Variants in SLC38A1 observed in about 807,000 individuals in gnomAD.
SLC38A1 encodes solute carrier family 38 member 1, also known as sodium-coupled neutral amino acid symporter 1.
In SLC38A1, 18 loss-of-function variants were observed where a neutral mutation model predicts 60.3. The observed-to-expected ratio is 0.30, with a 90% CI of 0.21 to 0.44. The LOEUF (loss-of-function observed/expected upper bound fraction) is 0.44. Ranked by LOEUF, SLC38A1 falls within the 20% of genes least tolerant of loss-of-function variation. The pLI is 1.00. For synonymous variants in SLC38A1, 196 were observed against 212.1 expected (o/e 0.92, Z 0.66); for missense variants, 448 against 587.2 (o/e 0.76, Z 2.45).
rs182701960 is a variant in SLC38A1, at chr12:46,203,160, C to T, written c.823-71G>A. 6,041 of 1,256,148 alleles carry T rather than the reference C, an allele frequency of 4.8e-3. 26 individuals carry two copies. The highest frequency in any genetic ancestry group is 6.3e-3 in the Non-Finnish European group (5,436 of 869,288). 77.8% of individuals were successfully genotyped at this position (1,256,148 alleles called of 1,614,324 possible). On this transcript the variant is annotated intron_variant, in intron 11 of 16. Transcript: ENST00000398637. ...TAAAAAGGACATAGCTCCAGTATTTCTGAGCTGTCTTTTTATCTGACAGCT... is the reference window on the plus strand; with the variant it reads ...TAAAAAGGACATAGCTCCAGTATTTTTGAGCTGTCTTTTTATCTGACAGCT...
At chr12:46,267,945 T>C (rs1323744076) in intron 1 of SLC38A1, among the ~76,000 whole-genome samples, 3 of 152,286 alleles carry the variant, frequency 2.0e-5, no homozygotes, top group African/African-American at 4.8e-5. Flanking sequence ...CGCGCCCTCC[T>C]ACTTCCCCGC....
intron 1 of SLC38A1, among the ~76,000 whole-genome samples, chr12:46,259,451 C>A (rs545833759): frequency 2.6e-5 from 4 of 152,056 alleles, no homozygotes; most frequent in Non-Finnish European, 5.9e-5. Flanking sequence ...TTTTATATAC[C>A]TTTGAGTAAT....
rs1938981613 is a variant in SLC38A1, at chr12:46,187,636, G to A, written c.*1334C>T. The A allele has an allele frequency of 6.6e-6, 1 of 152,196 alleles. No individual in the cohort carries two copies. Among genetic ancestry groups the A allele is most frequent in the Non-Finnish European group, 1.5e-5 (1 of 68,074 alleles). 9.4% of individuals were successfully genotyped at this position (152,196 alleles called of 1,614,324 possible). ...ACTCTGTCCTCCTGCATGGACAGTT[G>A]AGACGGGCAGTAATGGCACAGTCCT... On this transcript the variant is annotated 3_prime_UTR_variant, in exon 17 of 17. Coordinates refer to ENST00000398637, the MANE Select transcript of SLC38A1 (RefSeq NM_030674.4).
At chr12:46,237,258 A>G (rs368621184) in intron 3 of SLC38A1, among the ~76,000 whole-genome samples, 2 of 152,226 alleles carry the variant, frequency 1.3e-5, no homozygotes, top group East Asian at 1.9e-4. Flanking sequence ...AAATTTGAGA[A>G]AGCCGCAGGA....
intron 5 of SLC38A1, among the ~76,000 whole-genome samples, chr12:46,221,690 C>T (rs767185959): frequency 6.6e-6 from 1 of 152,114 alleles, no homozygotes; most frequent in African/African-American, 2.4e-5. Flanking sequence ...ATCGTGTTAG[C>T]GGGAGGAAGA....
chr12:46,198,809 T>C, intron 13 of SLC38A1, 66 bp from the exon 14 acceptor site: 2 of 949,342 alleles, frequency 2.1e-6, no homozygotes, highest in Middle Eastern at 2.3e-4. Context: ...TGACAGTTTT[T>C]CTGAAAAACA....
At chr12:46,208,979 C>T in intron 6 of SLC38A1, 75 bp downstream of exon 6, 7 of 1,023,300 alleles carry the variant, frequency 6.8e-6, no homozygotes, top group Non-Finnish European at 1.1e-5. Context: ...ACAGAGAGAA[C>T]ATCATTGTTC....
chr12:46,261,831 G>A (rs1942205758), intron 1 of SLC38A1, among the ~76,000 whole-genome samples: 1 of 152,172 alleles, frequency 6.6e-6, no homozygotes, highest in African/African-American at 2.4e-5. Context: ...TTCTCAACTG[G>A]GGACAATTGT....
chr12:46,256,613 GCACACACACACA>G (rs566800141), intron 1 of SLC38A1, among the ~76,000 whole-genome samples: 3 of 107,458 alleles, frequency 2.8e-5, no homozygotes, highest in African/African-American at 6.9e-5. Flanking sequence ...GCGCGCGCGC[GCACACACACACA>G]CACACACACA....
chr12:46,219,313 C>T (rs567554636), intron 5 of SLC38A1, among the ~76,000 whole-genome samples: 17 of 152,300 alleles, frequency 1.1e-4, no homozygotes, highest in African/African-American at 4.1e-4. Context: ...TTTGCAAAGG[C>T]AGTTTCAGTT....
chr12:46,203,133 C>A, intron 11 of SLC38A1, 44 bp from the exon 12 acceptor site: 1 of 1,498,378 alleles, frequency 6.7e-7, no homozygotes, highest in Non-Finnish European at 9.3e-7. Flanking sequence ...ACACTTTTAC[C>A]ATAAAAAGGA....
At chr12:46,221,883 T>C (rs1940673522) in intron 5 of SLC38A1, among the ~76,000 whole-genome samples, 1 of 152,074 alleles carries the variant, frequency 6.6e-6, no homozygotes, top group Non-Finnish European at 1.5e-5. Flanking sequence ...ACAAGCAGTT[T>C]TGGAGGAGAT....
At chr12:46,263,806 C>A (rs1393434810) in intron 1 of SLC38A1, among the ~76,000 whole-genome samples, 1 of 152,168 alleles carries the variant, frequency 6.6e-6, no homozygotes, top group African/African-American at 2.4e-5. Context: ...TAAACTGTAA[C>A]CTGAGGCTGT....
At chr12:46,238,904 T>C (rs1336905486) in intron 3 of SLC38A1, among the ~76,000 whole-genome samples, 1 of 151,986 alleles carries the variant, frequency 6.6e-6, no homozygotes, top group Non-Finnish European at 1.5e-5. Context: ...GGCTCAACCA[T>C]TATTATTATT....
At chr12:46,213,269 T>C (rs747090366) in intron 5 of SLC38A1, among the ~76,000 whole-genome samples, 2 of 152,204 alleles carry the variant, frequency 1.3e-5, no homozygotes, top group Non-Finnish European at 2.9e-5. Context: ...TTCATTCTTT[T>C]TGAGCTTCTG....
intron 1 of SLC38A1, among the ~76,000 whole-genome samples, chr12:46,251,305 A>G (rs1225183648): frequency 6.6e-6 from 1 of 152,220 alleles, no homozygotes; most frequent in Non-Finnish European, 1.5e-5. Flanking sequence ...TAGAAAGCTG[A>G]AACTGGATCC....
chr12:46,209,003 T>C (rs1295332846), intron 6 of SLC38A1, 51 bp downstream of exon 6: 2 of 1,271,566 alleles, frequency 1.6e-6, no homozygotes, highest in East Asian at 4.7e-5. Context: ...AATGCTACCA[T>C]AAAAATAATT....
intron 1 of SLC38A1, among the ~76,000 whole-genome samples, chr12:46,252,452 G>C (rs4768693): frequency 2.0e-5 from 3 of 151,742 alleles, no homozygotes; most frequent in Non-Finnish European, 2.9e-5. Flanking sequence ...AAACCTGCAC[G>C]TTGTGCACAT....
At chr12:46,222,568 A>G (rs889035081) in intron 5 of SLC38A1, among the ~76,000 whole-genome samples, 1 of 152,190 alleles carries the variant, frequency 6.6e-6, no homozygotes, top group Non-Finnish European at 1.5e-5. Flanking sequence ...TCACCTGCCC[A>G]TATAAGTCTA....
Sources: gnomAD v4.1 joint callset for allele counts (sites outside exome capture counted in the v4.1 genomes callset) on GRCh38, gnomAD v4.1.1 for gene constraint, MANE v1.5 for transcripts, NCBI Gene and HGNC (gene_info 2026-07-23, HGNC 2026-07-21) for gene names.